Variants in TLN2 observed in about 807,000 individuals in gnomAD.
The protein encoded by TLN2 is talin-2.
A neutral mutation model predicts 294.7 loss-of-function variants in TLN2; 118 were observed. The ratio of observed to expected loss-of-function variants is 0.40; its 90% CI spans 0.34 to 0.47. The LOEUF is 0.47. Among genes scored for constraint, TLN2 ranks in the 20% least tolerant of loss-of-function variants. TLN2 has a pLI of 0.84. For synonymous variants in TLN2, 1,431 were observed against 1,304.5 expected (o/e 1.10, Z -2.09); for missense variants, 3,083 against 3,282.2 (o/e 0.94, Z 1.48).
intron 52 of TLN2, among the ~76,000 whole-genome samples, chr15:62,819,105 C>T (rs2067347329): frequency 6.6e-6 from 1 of 152,078 alleles, no homozygotes; most frequent in Admixed American, 6.5e-5. Flanking sequence ...AGCAGCCCTC[C>T]CACCTCGGCC....
In TLN2 at chr15:62,805,637, C is replaced by T; in HGVS notation, c.6515C>T (p.Ser2172Leu). The change falls in exon 51 of 59, where the codon TCA (serine) becomes TTA (leucine). Residue 2172 changes from serine (S) to leucine (L), a missense_variant. Physicochemically the swap from Ser to Leu is moderately radical, Grantham distance 145. Transcript: ENST00000636159. ...QSKDVPEKTS[S>L]PEESIRMTKG... ...AAAGACGTACCTGAAAAGACATCAT[C>T]ACCTGAAGAATCCATAAGGATGACG... 1 of 1,613,472 alleles carries T rather than the reference C, an allele frequency of 6.2e-7. No homozygotes were observed. Among genetic ancestry groups the T allele is most frequent in the Admixed American group, 1.7e-5 (1 of 59,986 alleles).
intron 16 of TLN2, 145 bp downstream of exon 16, chr15:62,699,012 C>G (rs551217908): frequency 5.1e-5 from 38 of 744,060 alleles, no homozygotes; most frequent in Non-Finnish European, 8.2e-5. Context: ...GAGTCTTTGC[C>G]TCTCAGTTGC....
chr15:62,676,880 G>C (rs569861338), intron 11 of TLN2, among the ~76,000 whole-genome samples: 16 of 152,202 alleles, frequency 1.1e-4, no homozygotes, highest in Non-Finnish European at 1.9e-4. Context: ...CTCCCAAAGT[G>C]CTAGTATTAC....
intron 1 of TLN2, among the ~76,000 whole-genome samples, chr15:62,402,128 A>G (rs576696666): frequency 7.9e-5 from 12 of 152,250 alleles, no homozygotes; most frequent in Non-Finnish European, 1.5e-4. Context: ...ACAAACACAC[A>G]GAAGTTTCAC....
chr15:62,694,605 G>A (rs560229293), intron 14 of TLN2, among the ~76,000 whole-genome samples: 1 of 152,226 alleles, frequency 6.6e-6, no homozygotes, highest in Non-Finnish European at 1.5e-5. Flanking sequence ...GGGAAACATT[G>A]ACCAAGGTGT....
At chr15:62,825,823 TATTATAA>T (rs2068088717) in intron 54 of TLN2, among the ~76,000 whole-genome samples, 2 of 36,420 alleles carry the variant, frequency 5.5e-5, no homozygotes, top group Non-Finnish European at 9.8e-5. Context: ...TTATAATATA[TATTATAA>T]TATATAATAT....
intron 1 of TLN2, among the ~76,000 whole-genome samples, chr15:62,394,526 C>T (rs999045007): frequency 2.0e-5 from 3 of 152,104 alleles, no homozygotes; most frequent in Non-Finnish European, 4.4e-5. Context: ...ACTTTTATAT[C>T]TAATAAGGAG....
intron 29 of TLN2, 73 bp from the exon 30 acceptor site, chr15:62,738,141 T>A: frequency 6.4e-7 from 1 of 1,562,796 alleles, no homozygotes; most frequent in Non-Finnish European, 8.7e-7. Context: ...CTCTGCATGT[T>A]TCACTGCCCA....
chr15:62,673,881 G>T lies in TLN2; in HGVS notation c.843G>T (p.Arg281Ser). ...EYIKQRGAEK[R>S]IFQEHKNCGE... ...TCAAGCAGAGAGGAGCTGAAAAGAG[G>T]ATCTTTCAGGTATTGGAAATGTACA... Residue 281 changes from arginine (R) to serine (S), a missense_variant, in exon 10 of 59, where the codon AGG becomes AGT. Physicochemically the swap from Arg to Ser is moderately radical, Grantham distance 110 (BLOSUM62 -1). Coordinates refer to ENST00000636159, the MANE Select transcript of TLN2 (RefSeq NM_015059.3). 1 of 1,612,736 alleles carries T rather than the reference G, an allele frequency of 6.2e-7. No individual in the cohort carries two copies. Among genetic ancestry groups the T allele is most frequent in the Non-Finnish European group, 8.5e-7 (1 of 1,179,094 alleles).
intron 28 of TLN2, among the ~76,000 whole-genome samples, chr15:62,728,902 TG>T (rs1159190731): frequency 6.6e-6 from 1 of 152,240 alleles, no homozygotes; most frequent in Non-Finnish European, 1.5e-5. Context: ...GTACTTTTTG[TG>T]CCCTATTTTA....
chr15:62,724,830 A>G, intron 26 of TLN2, 146 bp from the exon 27 acceptor site: 1 of 1,067,040 alleles, frequency 9.4e-7, no homozygotes. Flanking sequence ...TTGTTCTCTC[A>G]GAAAAAATAC....
At chr15:62,521,165 A>G (rs1596002396) in intron 1 of TLN2, among the ~76,000 whole-genome samples, 1 of 152,148 alleles carries the variant, frequency 6.6e-6, no homozygotes, top group Admixed American at 6.5e-5. Flanking sequence ...AAAGAGGATC[A>G]TAAGAATAGT....
At chr15:62,424,207 A>G (rs1313824935) in intron 1 of TLN2, among the ~76,000 whole-genome samples, 1 of 152,188 alleles carries the variant, frequency 6.6e-6, no homozygotes, top group Non-Finnish European at 1.5e-5. Flanking sequence ...TGGAGCCTTA[A>G]GCTTAAAGAT....
chr15:62,762,506 G>A, intron 39 of TLN2, 53 bp downstream of exon 39: 1 of 1,593,004 alleles, frequency 6.3e-7, no homozygotes, highest in Non-Finnish European at 8.6e-7. Context: ...CGGGGAAGGA[G>A]GAGGATAAGC....
chr15:62,636,008 C>T (rs77486196), intron 3 of TLN2, among the ~76,000 whole-genome samples: 5,507 of 152,106 alleles, frequency 0.036, 163 homozygotes, highest in Non-Finnish European at 0.054. Context: ...GTCTAAACCT[C>T]TTAGCATGGG....
intron 1 of TLN2, among the ~76,000 whole-genome samples, chr15:62,565,586 G>A (rs575380369): frequency 6.6e-6 from 1 of 152,298 alleles, no homozygotes; most frequent in Admixed American, 6.5e-5. Flanking sequence ...GTGTTCATCT[G>A]AATGAACTTA....
At chr15:62,719,097 A>G (rs1436682993) in intron 24 of TLN2, among the ~76,000 whole-genome samples, 1 of 152,198 alleles carries the variant, frequency 6.6e-6, no homozygotes, top group Non-Finnish European at 1.5e-5. Flanking sequence ...TAACCAGAGA[A>G]GGAGGTGCGG....
chr15:62,721,251 T>C (rs566119038), intron 25 of TLN2, among the ~76,000 whole-genome samples: 1 of 152,332 alleles, frequency 6.6e-6, no homozygotes, highest in East Asian at 1.9e-4. Flanking sequence ...TTCCAGGAGG[T>C]TGAACAAATC....
At chr15:62,729,239 T>TG in intron 28 of TLN2, among the ~76,000 whole-genome samples, 1 of 152,358 alleles carries the variant, frequency 6.6e-6, no homozygotes, top group East Asian at 1.9e-4. Flanking sequence ...ATTACTATAT[T>TG]GCAGTTTTAT....
Sources: allele counts gnomAD v4.1 joint callset (sites outside exome capture counted in the v4.1 genomes callset), GRCh38; gene constraint gnomAD v4.1.1; transcripts MANE v1.5; gene names NCBI Gene and HGNC (gene_info 2026-07-23, HGNC 2026-07-21).